USP3: variants seen among roughly 807,000 people sequenced by gnomAD.
The protein encoded by USP3 is ubiquitin specific peptidase 3, also known as ubiquitin carboxyl-terminal hydrolase 3.
USP3 carries 20 observed loss-of-function variants against 72.3 expected under a neutral mutation model. The observed-to-expected ratio is 0.28, with a 90% confidence interval of 0.19 to 0.40. The LOEUF (loss-of-function observed/expected upper bound fraction) is 0.40, where lower values mean the gene tolerates loss of function less well. Ranked by LOEUF, USP3 falls within the 10% of genes least tolerant of loss-of-function variation. USP3 has a pLI of 1.00. For missense variants in USP3, 479 were observed against 633.9 expected, an observed-to-expected ratio of 0.76 and a Z score of 2.62; for synonymous variants, 222 against 225.3, an observed-to-expected ratio of 0.99 and a Z score of 0.13.
At chr15:63,539,121 T>C (rs987889470) in intron 3 of USP3, among the ~76,000 whole-genome samples, 1 of 152,110 alleles carries the variant, frequency 6.6e-6, no homozygotes, top group Non-Finnish European at 1.5e-5. Flanking sequence ...CTTTTTTTTT[T>C]TCGCCCTTTC....
intron 11 of USP3, among the ~76,000 whole-genome samples, chr15:63,586,425 T>G (rs2067063777): frequency 6.6e-6 from 1 of 152,212 alleles, no homozygotes; most frequent in Non-Finnish European, 1.5e-5. Context: ...TTATTCTCCC[T>G]ATGACCCCCG....
intron 1 of USP3, among the ~76,000 whole-genome samples, chr15:63,518,959 G>T (rs1361313987): frequency 1.3e-5 from 2 of 152,030 alleles, no homozygotes; most frequent in East Asian, 3.9e-4. Flanking sequence ...TAGATATGGG[G>T]TTTCACCGTG....
intron 3 of USP3, among the ~76,000 whole-genome samples, chr15:63,540,572 C>T (rs2066230035): frequency 6.6e-6 from 1 of 152,172 alleles, no homozygotes; most frequent in Non-Finnish European, 1.5e-5. Flanking sequence ...AACATTTTTC[C>T]TGCAGACAAC....
chr15:63,540,766 G>T (rs1392305381), intron 3 of USP3, among the ~76,000 whole-genome samples: 1 of 152,172 alleles, frequency 6.6e-6, no homozygotes, highest in Non-Finnish European at 1.5e-5. Context: ...GAATGATTCT[G>T]ATTTGACACA....
intron 11 of USP3, among the ~76,000 whole-genome samples, chr15:63,576,568 C>T (rs2066867515): frequency 6.6e-6 from 1 of 152,128 alleles, no homozygotes; most frequent in African/African-American, 2.4e-5. Flanking sequence ...GCTGATTTTT[C>T]CCCAAACAAG....
At chr15:63,535,732 C>G (rs151240882) in intron 2 of USP3, among the ~76,000 whole-genome samples, 1 of 152,276 alleles carries the variant, frequency 6.6e-6, no homozygotes, top group African/African-American at 2.4e-5. Context: ...CCCAGTTTTC[C>G]TGGGTAGAGG....
At chr15:63,535,634 G>T (rs1324037281) in intron 2 of USP3, among the ~76,000 whole-genome samples, 1 of 152,124 alleles carries the variant, frequency 6.6e-6, no homozygotes. Context: ...AGAGGACTCA[G>T]GTATATGCAA....
At chr15:63,526,373 C>T (rs1160526615) in intron 1 of USP3, among the ~76,000 whole-genome samples, 2 of 152,166 alleles carry the variant, frequency 1.3e-5, no homozygotes, top group Non-Finnish European at 2.9e-5. Context: ...TGCTCTGTGC[C>T]TCAGTTTCCT....
intron 1 of USP3, among the ~76,000 whole-genome samples, chr15:63,514,160 G>A (rs1179726799): frequency 3.3e-5 from 5 of 152,172 alleles, no homozygotes; most frequent in South Asian, 2.1e-4. Context: ...GCTTAAATGC[G>A]TTAGTTTCAT....
chr15:63,590,822 T>A lies in USP3; in HGVS notation c.1559T>A (p.Leu520His). The A allele has an allele frequency of 6.2e-7, 1 of 1,608,782 alleles. No individual in the cohort carries two copies. Among genetic ancestry groups the A allele is most frequent in the Non-Finnish European group, 8.5e-7 (1 of 1,177,930 alleles). ...EHQAKAGSDKL is the reference protein window; with the variant it reads ...EHQAKAGSDKH ...CAGGCCAAAGCTGGATCGGATAAACTTTAATACCTCCTCCAAATCATCATT... is the reference window on the plus strand; with the variant it reads ...CAGGCCAAAGCTGGATCGGATAAACATTAATACCTCCTCCAAATCATCATT... Residue 520 changes from leucine to histidine, a missense_variant, in exon 15 of 15, where the codon CTT becomes CAT. Coordinates refer to ENST00000380324, the MANE Select transcript of USP3 (RefSeq NM_006537.4).
intron 1 of USP3, among the ~76,000 whole-genome samples, chr15:63,525,255 G>A (rs1212792558): frequency 6.6e-6 from 1 of 152,158 alleles, no homozygotes; most frequent in African/African-American, 2.4e-5. Context: ...GTCCCAGGTG[G>A]CCACTTCTGA....
At chr15:63,509,124 T>C (rs774848655) in intron 1 of USP3, among the ~76,000 whole-genome samples, 4 of 152,210 alleles carry the variant, frequency 2.6e-5, no homozygotes, top group Non-Finnish European at 5.9e-5. Context: ...TGATGGGTTA[T>C]TTTGTATCGT....
In USP3 at chr15:63,591,573, C is replaced by A. The variant is rs1317386794; in HGVS notation, c.*747C>A. 6.6e-6 allele frequency: 1 copy of A among 152,168 alleles called. No individual in the cohort carries two copies. Among genetic ancestry groups the A allele is most frequent in the East Asian group, 1.9e-4 (1 of 5,198 alleles). The allele number at this position is 152,168 out of a possible 1,614,324, so 9.4% of individuals were successfully genotyped here. ...GTAATGTTTAAAAAAAATGCTGTGA[C>A]TCACTGACATGGTATAGGTGTTACC... On this transcript the variant is annotated 3_prime_UTR_variant, in exon 15 of 15. Coordinates refer to ENST00000380324, the MANE Select transcript of USP3 (RefSeq NM_006537.4).
intron 1 of USP3, among the ~76,000 whole-genome samples, chr15:63,505,375 C>T (rs1321053308): frequency 6.6e-6 from 1 of 152,182 alleles, no homozygotes; most frequent in Non-Finnish European, 1.5e-5. Context: ...TCCGCAGGCT[C>T]GGGCACCTCG....
At position 63,529,177 on chromosome 15, in the gene USP3, G is replaced by GTT; in HGVS notation, c.92-3470_92-3469insTT. The stretch of plus-strand genomic sequence containing the variant: ...CACCACACTTGGCAGGTAGTAAAGT[G>GTT]GTTTTTTTTTTTTTCTTTTTTTTGA... On this transcript the variant is annotated intron_variant, in intron 1 of 14. Transcript: ENST00000380324. This position sits in a 1 kb window ranked among gnomAD's most constrained non-coding sequence, Gnocchi z 4.2. 1 of 644,928 alleles carries GTT rather than the reference G, an allele frequency of 1.6e-6. No homozygotes were observed. Among genetic ancestry groups the GTT allele is most frequent in the Non-Finnish European group, 2.4e-6 (1 of 414,718 alleles). 40.0% of individuals were successfully genotyped at this position (644,928 alleles called of 1,614,324 possible). A position where few individuals can be genotyped will look rare whatever the true frequency, so the allele number is the denominator to read the frequency against.
At chr15:63,532,811 T>TCATAATG in intron 2 of USP3, 104 bp downstream of exon 2, 1 of 1,214,106 alleles carries the variant, frequency 8.2e-7, no homozygotes, top group Non-Finnish European at 1.2e-6. Flanking sequence ...CCATTGTTAA[T>TCATAATG]CATAATGCAT....
chr15:63,556,235 A>C, intron 4 of USP3: 1 of 153,730 alleles, frequency 6.5e-6, no homozygotes, highest in Middle Eastern at 3.1e-3. Flanking sequence ...AAGACAAATG[A>C]GCAAAACATG....
chr15:63,578,304 G>T (rs1425041001), intron 11 of USP3, among the ~76,000 whole-genome samples: 2 of 151,322 alleles, frequency 1.3e-5, no homozygotes, highest in African/African-American at 2.4e-5. Flanking sequence ...ACTTTTATTA[G>T]GAATAGAAAT....
intron 3 of USP3, among the ~76,000 whole-genome samples, chr15:63,547,837 G>A (rs1301944945): frequency 7.0e-4 from 28 of 39,966 alleles, no homozygotes; most frequent in East Asian, 1.7e-3. Flanking sequence ...AGAGAGAGAG[G>A]GAGGGAGGGA....
Sources: allele counts gnomAD v4.1 joint callset (sites outside exome capture counted in the v4.1 genomes callset), GRCh38; gene constraint gnomAD v4.1.1; non-coding constraint Gnocchi (gnomAD v3.1); transcripts MANE v1.5; gene names NCBI Gene and HGNC (gene_info 2026-07-23, HGNC 2026-07-21).